NIPAL2: variants seen among roughly 807,000 people sequenced by gnomAD.
NIPAL2 encodes NIPA like domain containing 2.
A neutral mutation model predicts 48.9 loss-of-function variants in NIPAL2; 43 were observed. The observed-to-expected ratio is 0.88, with a 90% CI of 0.69 to 1.13. NIPAL2 has a LOEUF of 1.13. NIPAL2 is among the 50% of genes most tolerant of loss of function. The pLI is 0.00. For missense variants in NIPAL2, 446 were observed against 461.4 expected (o/e 0.97, Z 0.31); for synonymous variants, 167 against 174.6 (o/e 0.96, Z 0.34).
intron 3 of NIPAL2, among the ~76,000 whole-genome samples, chr8:98,244,722 G>A (rs1054296456): frequency 6.6e-6 from 1 of 152,116 alleles, no homozygotes; most frequent in African/African-American, 2.4e-5. Context: ...TTAGCCAACT[G>A]CAAATCCAGC....
chr8:98,214,892 G>A (rs1014719745), intron 5 of NIPAL2, among the ~76,000 whole-genome samples: 2 of 152,132 alleles, frequency 1.3e-5, no homozygotes, highest in Non-Finnish European at 2.9e-5. Flanking sequence ...TATTAAACTC[G>A]TATCTCTTTG....
intron 1 of NIPAL2, among the ~76,000 whole-genome samples, chr8:98,262,826 T>A (rs1814439632): frequency 6.6e-6 from 1 of 152,060 alleles, no homozygotes; most frequent in African/African-American, 2.4e-5. Flanking sequence ...AGAATATACA[T>A]TTTTTTCAGC....
At chr8:98,230,370 T>G (rs891433899) in intron 4 of NIPAL2, among the ~76,000 whole-genome samples, 11 of 152,310 alleles carry the variant, frequency 7.2e-5, no homozygotes, top group African/African-American at 2.6e-4. Context: ...TGGTGTTCCC[T>G]GGAACCAGTT....
chr8:98,245,596 C>T (rs1255391537), intron 3 of NIPAL2, among the ~76,000 whole-genome samples: 1 of 152,172 alleles, frequency 6.6e-6, no homozygotes, highest in Non-Finnish European at 1.5e-5. Context: ...TTTTTCTTGG[C>T]ATGCGTTAAT....
intron 1 of NIPAL2, among the ~76,000 whole-genome samples, chr8:98,289,579 G>A (rs567092003): frequency 6.7e-6 from 1 of 150,088 alleles, no homozygotes; most frequent in Non-Finnish European, 1.5e-5. Context: ...TTGAACTCTT[G>A]GGCTCAAGAG....
intron 1 of NIPAL2, among the ~76,000 whole-genome samples, chr8:98,271,678 C>A (rs182300334): frequency 2.5e-3 from 375 of 152,034 alleles, no homozygotes; most frequent in African/African-American, 8.7e-3. Context: ...ATTTGGATGC[C>A]CTTTATTTCT....
At chr8:98,228,120 T>C (rs566857259) in intron 4 of NIPAL2, among the ~76,000 whole-genome samples, 55 of 152,282 alleles carry the variant, frequency 3.6e-4, no homozygotes, top group African/African-American at 1.3e-3. Flanking sequence ...AGAGGTGGTG[T>C]TGGTGATTCA....
At position 98,260,403 on chromosome 8, in the gene NIPAL2, G is replaced by C. The variant is rs969816930; in HGVS notation, c.136-6316C>G. ...CACTAGGGAGTGCCAGACAGTGGGCGCAGCTCAGTGGGTGCGCGCACCGTG... is the reference window on the plus strand; with the variant it reads ...CACTAGGGAGTGCCAGACAGTGGGCCCAGCTCAGTGGGTGCGCGCACCGTG... On this transcript the variant is annotated intron_variant, in intron 1 of 10. Coordinates refer to ENST00000430223, the MANE Select transcript of NIPAL2 (RefSeq NM_001321635.2). Among the ~76,000 whole-genome samples, 4 of 152,356 alleles carry C rather than the reference G, an allele frequency of 2.6e-5. No homozygotes were observed. In the East Asian group the frequency reaches 7.7e-4, roughly 29 times the overall value.
chr8:98,252,733 G>A lies in NIPAL2; in HGVS notation c.205-99C>T, dbSNP rs76948442. 692 of 989,882 alleles carry A rather than the reference G, an allele frequency of 7.0e-4. 3 individuals are homozygous for A. The African/African-American group carries it at 0.011, about 16-fold the overall frequency. 61.3% of individuals were successfully genotyped at this position (989,882 alleles called of 1,614,324 possible). A position where few individuals can be genotyped will look rare whatever the true frequency, so the allele number is the denominator to read the frequency against. On this transcript the variant is annotated intron_variant, in intron 2 of 10. Transcript: ENST00000430223. Reference sequence around the variant, plus strand: ...TTCCTTTAATTCTTTTTATAAGAACGCTAATTTATTTTTGTATTTTTTTTT... The same window carrying A: ...TTCCTTTAATTCTTTTTATAAGAACACTAATTTATTTTTGTATTTTTTTTT...
At chr8:98,215,468 A>G (rs909217066) in intron 5 of NIPAL2, among the ~76,000 whole-genome samples, 3 of 152,178 alleles carry the variant, frequency 2.0e-5, no homozygotes, top group African/African-American at 7.2e-5. Context: ...GCAATCTCAC[A>G]GGTTAGAAAA....
chr8:98,266,652 G>A (rs1029284475), intron 1 of NIPAL2, among the ~76,000 whole-genome samples: 22 of 151,740 alleles, frequency 1.4e-4, no homozygotes, highest in Non-Finnish European at 2.2e-4. Flanking sequence ...GACCTCAAGC[G>A]GATGGGCTGA....
At chr8:98,287,941 CA>C (rs1365603589) in intron 1 of NIPAL2, among the ~76,000 whole-genome samples, 3 of 152,134 alleles carry the variant, frequency 2.0e-5, no homozygotes, top group Admixed American at 1.3e-4. Flanking sequence ...CATAAGCTAA[CA>C]AAATGAATAT....
intron 4 of NIPAL2, among the ~76,000 whole-genome samples, chr8:98,225,713 AACCTTCTTGT>A (rs1444417269): frequency 2.0e-5 from 3 of 152,140 alleles, no homozygotes; most frequent in Admixed American, 6.5e-5. Flanking sequence ...TCTGTACATG[AACCTTCTTGT>A]ACCTTCTTGT....
At chr8:98,287,853 T>G (rs7843000) in intron 1 of NIPAL2, among the ~76,000 whole-genome samples, 11,870 of 152,254 alleles carry the variant, frequency 0.078, 1,211 homozygotes, top group African/African-American at 0.23. Flanking sequence ...CTTTGGGGAA[T>G]GCCAGCCTTT....
At chr8:98,209,948 A>T (rs1200351173) in intron 6 of NIPAL2, among the ~76,000 whole-genome samples, 1 of 151,970 alleles carries the variant, frequency 6.6e-6, no homozygotes, top group African/African-American at 2.4e-5. Flanking sequence ...TTTCCTCCAT[A>T]GTTATTTTCA....
At chr8:98,257,420 G>A (rs555603265) in intron 1 of NIPAL2, among the ~76,000 whole-genome samples, 28 of 151,156 alleles carry the variant, frequency 1.9e-4, no homozygotes, top group Admixed American at 3.9e-4. Context: ...TGATCTCAGC[G>A]GCTAATTTTT....
chr8:98,286,532 G>A lies in NIPAL2; in HGVS notation c.135+7471C>T, dbSNP rs556476102. ...ATGGCAAGATACCTTGTTGAGGCTAGGCATGGTGGCTCATACCTGTAATCC... is the reference window on the plus strand; with the variant it reads ...ATGGCAAGATACCTTGTTGAGGCTAAGCATGGTGGCTCATACCTGTAATCC... On this transcript the variant is annotated intron_variant, in intron 1 of 10. Transcript: ENST00000430223. Among the ~76,000 whole-genome samples, 12 of 152,314 alleles carry A rather than the reference G, an allele frequency of 7.9e-5. No homozygotes were observed. In the South Asian group the frequency reaches 2.3e-3, roughly 29 times the overall value.
intron 4 of NIPAL2, among the ~76,000 whole-genome samples, chr8:98,223,558 A>C (rs1353841118): frequency 6.6e-6 from 1 of 152,190 alleles, no homozygotes; most frequent in African/African-American, 2.4e-5. Context: ...ACCAACATAG[A>C]CTCCAACCTG....
At chr8:98,205,424 G>A (rs143367676) in intron 6 of NIPAL2, among the ~76,000 whole-genome samples, 178 bp from the exon 7 acceptor site, 3,376 of 152,030 alleles carry the variant, frequency 0.022, 162 homozygotes, top group Admixed American at 0.12. Context: ...TGCTCGAGCC[G>A]TGCTGGATAT....
Sources: gnomAD v4.1 joint callset for allele counts (sites outside exome capture counted in the v4.1 genomes callset) on GRCh38, gnomAD v4.1.1 for gene constraint, MANE v1.5 for transcripts, NCBI Gene and HGNC (gene_info 2026-07-23, HGNC 2026-07-21) for gene names.